ROBO2: variants seen among roughly 807,000 people sequenced by gnomAD.
ROBO2 encodes the protein roundabout homolog 2.
ROBO2 carries 53 observed loss-of-function variants against 160.8 expected under a neutral mutation model. The observed-to-expected ratio is 0.33, with a 90% CI of 0.26 to 0.41. The LOEUF is 0.41. ROBO2 is among the 10% of genes least tolerant of loss of function. The probability of loss-of-function intolerance (pLI) is 1.00; values close to 1 mark genes in which losing one functional copy is unlikely to be tolerated. For missense variants in ROBO2, 1,577 were observed against 1,722.4 expected, an observed-to-expected ratio of 0.92 and a Z score of 1.49; for synonymous variants, 664 against 611.7, an observed-to-expected ratio of 1.09 and a Z score of -1.26.
intron 2 of ROBO2, among the ~76,000 whole-genome samples, chr3:76,366,009 T>C (rs1044372388): frequency 6.6e-6 from 1 of 152,006 alleles, no homozygotes; most frequent in African/African-American, 2.4e-5. Context: ...CTCCCTTGGT[T>C]CATCTGTTGA....
intron 1 of ROBO2, among the ~76,000 whole-genome samples, chr3:77,043,987 T>C (rs2064363267): frequency 6.6e-6 from 1 of 152,140 alleles, no homozygotes; most frequent in Non-Finnish European, 1.5e-5. Context: ...GGGCTTATTA[T>C]CATAGCCATA....
At chr3:75,955,862 T>A (rs1948706641) in intron 2 of ROBO2, among the ~76,000 whole-genome samples, 1 of 151,794 alleles carries the variant, frequency 6.6e-6, no homozygotes, top group East Asian at 1.9e-4. Flanking sequence ...ACTCTCACTG[T>A]GCCCTTTCTT....
intron 2 of ROBO2, among the ~76,000 whole-genome samples, chr3:76,356,324 A>G (rs1186949418): frequency 6.6e-6 from 1 of 151,608 alleles, no homozygotes; most frequent in East Asian, 1.9e-4. Flanking sequence ...TAATACAGCT[A>G]AATACAATTA....
chr3:76,109,327 T>C (rs2070105513), intron 2 of ROBO2, among the ~76,000 whole-genome samples: 1 of 151,896 alleles, frequency 6.6e-6, no homozygotes, highest in African/African-American at 2.4e-5. Context: ...CCATAATACC[T>C]TTTAAAAAAA....
At position 76,493,337 on chromosome 3, in the gene ROBO2, T is replaced by TTATATATATATATATATATATATATATA. The variant is rs57835432; in HGVS notation, c.109+555736_109+555763dup. 1.5e-3 allele frequency among the ~76,000 whole-genome samples: 158 copies of TTATATATATATATATATATATATATATA among 104,750 alleles called. 2 individuals are homozygous for TTATATATATATATATATATATATATATA. The highest frequency in any genetic ancestry group is 9.3e-3 in the Middle Eastern group (2 of 216). The allele number at this position is 104,750 out of a possible 152,430, so 68.7% of individuals were successfully genotyped here. On this transcript the variant is annotated intron_variant, in intron 2 of 26. Coordinates refer to the ROBO2 transcript ENST00000487694. ...GAACCCAAAACATGTAGACAAAAAA[T>TTATATATATATATATATATATATATATA]TATATATATATATATATATATATAT...
At chr3:76,855,282 T>C (rs993688270) in intron 2 of ROBO2, among the ~76,000 whole-genome samples, 9 of 152,206 alleles carry the variant, frequency 5.9e-5, no homozygotes, top group African/African-American at 2.2e-4. Context: ...TGTGTGTGGA[T>C]GTTGCTGTAA....
intron 2 of ROBO2, chr3:76,434,652 C>A: frequency 7.9e-7 from 1 of 1,266,158 alleles, no homozygotes; most frequent in Non-Finnish European, 1.2e-6. Flanking sequence ...ACTGAGTGGA[C>A]TCTGCCATCT....
intron 2 of ROBO2, among the ~76,000 whole-genome samples, chr3:77,251,498 A>G (rs558053464): frequency 1.3e-5 from 2 of 152,268 alleles, no homozygotes; most frequent in African/African-American, 4.8e-5. Flanking sequence ...GAATTGCCTG[A>G]TAAGATACGG....
chr3:76,083,272 G>A (rs761753282), intron 2 of ROBO2, among the ~76,000 whole-genome samples: 9 of 152,038 alleles, frequency 5.9e-5, no homozygotes, highest in Non-Finnish European at 1.0e-4. Context: ...AAGTATAAAA[G>A]TCATATGAAT....
At chr3:76,113,669 C>T (rs2070339666) in intron 2 of ROBO2, among the ~76,000 whole-genome samples, 1 of 151,980 alleles carries the variant, frequency 6.6e-6, no homozygotes, top group Non-Finnish European at 1.5e-5. Context: ...GGTAGCTGCC[C>T]CACTCTCATA....
chr3:77,419,679 A>G (rs1406026190), intron 2 of ROBO2, among the ~76,000 whole-genome samples: 1 of 152,140 alleles, frequency 6.6e-6, no homozygotes, highest in Admixed American at 6.5e-5. Context: ...TATAGTACAC[A>G]TTGCTTTGAA....
intron 2 of ROBO2, among the ~76,000 whole-genome samples, chr3:76,686,509 A>G: frequency 6.7e-6 from 1 of 149,768 alleles, no homozygotes; most frequent in African/African-American, 2.5e-5. Context: ...CTCCTTCAAA[A>G]CAGCAAATAA....
At chr3:76,089,663 C>T (rs1359273282) in intron 2 of ROBO2, among the ~76,000 whole-genome samples, 1 of 151,914 alleles carries the variant, frequency 6.6e-6, no homozygotes, top group Non-Finnish European at 1.5e-5. Flanking sequence ...AAACTAGGAA[C>T]AGAGAACTTT....
chr3:77,226,365 G>A (rs1439440104), intron 2 of ROBO2, among the ~76,000 whole-genome samples: 1 of 151,396 alleles, frequency 6.6e-6, no homozygotes, highest in Non-Finnish European at 1.5e-5. Flanking sequence ...TCATTTGATG[G>A]CAGTTTTCTT....
intron 14 of ROBO2, among the ~76,000 whole-genome samples, chr3:77,576,676 T>C (rs1339550159): frequency 6.6e-6 from 1 of 152,118 alleles, no homozygotes; most frequent in East Asian, 1.9e-4. Flanking sequence ...TAGGAGAAAC[T>C]ATAAAGGCAG....
At chr3:77,284,867 G>C (rs191038048) in intron 2 of ROBO2, among the ~76,000 whole-genome samples, 1 of 152,180 alleles carries the variant, frequency 6.6e-6, no homozygotes, top group African/African-American at 2.4e-5. Context: ...CAAATCAAAG[G>C]TTTCACTGCC....
chr3:76,483,308 T>TAA, intron 2 of ROBO2, among the ~76,000 whole-genome samples: 1 of 106,474 alleles, frequency 9.4e-6, no homozygotes, highest in East Asian at 3.0e-4. Flanking sequence ...TTAACTGTCA[T>TAA]TATTTTTTTT....
rs777281999 is a variant in ROBO2, at chr3:77,644,917, G to T, written c.4135+13G>T. 2.5e-5 allele frequency: 41 copies of T among 1,612,430 alleles called. No homozygotes were observed. The highest frequency in any genetic ancestry group is 3.3e-5 in the Non-Finnish European group (39 of 1,178,648). On this transcript the variant is annotated intron_variant, in intron 25 of 25. Coordinates refer to ENST00000461745, the Ensembl canonical transcript of ROBO2. Reference sequence around the variant, plus strand: ...ACAGGTGAATTATGTAAGTGCTTAGGTCATTTAAAAGGCTATCGTGATTCA... The same window carrying T: ...ACAGGTGAATTATGTAAGTGCTTAGTTCATTTAAAAGGCTATCGTGATTCA...
chr3:76,758,024 A>G (rs2061081200), intron 2 of ROBO2, among the ~76,000 whole-genome samples: 1 of 151,880 alleles, frequency 6.6e-6, no homozygotes, highest in African/African-American at 2.4e-5. Context: ...GGCACAGGTT[A>G]AATGTTCAAC....
Sources: gnomAD v4.1 joint callset for allele counts (sites outside exome capture counted in the v4.1 genomes callset) on GRCh38, gnomAD v4.1.1 for gene constraint, MANE v1.5 for transcripts, NCBI Gene and HGNC (gene_info 2026-07-23, HGNC 2026-07-21) for gene names.